Variants in ATP2B4 observed in about 807,000 individuals in gnomAD.
ATP2B4 encodes the protein ATPase plasma membrane Ca2+ transporting 4.
ATP2B4 carries 39 observed loss-of-function variants against 110.3 expected under a neutral mutation model. The observed-to-expected ratio is 0.35, with a 90% CI of 0.27 to 0.46. ATP2B4 has a LOEUF of 0.46. Ranked by LOEUF, ATP2B4 falls within the 20% of genes least tolerant of loss-of-function variation. ATP2B4 has a pLI of 1.00. For synonymous variants in ATP2B4, 538 were observed against 571.7 expected (o/e 0.94, Z 0.84); for missense variants, 1,135 against 1,530.9 (o/e 0.74, Z 4.32).
At chr1:203,686,756 C>T (rs770785956) in intron 2 of ATP2B4, among the ~76,000 whole-genome samples, 2 of 123,214 alleles carry the variant, frequency 1.6e-5, no homozygotes, top group Admixed American at 1.1e-4. Flanking sequence ...TGTAATGGCG[C>T]GATATTGGCT....
intron 1 of ATP2B4, among the ~76,000 whole-genome samples, chr1:203,638,052 C>G (rs1369298277): frequency 6.6e-6 from 1 of 151,826 alleles, no homozygotes; most frequent in Non-Finnish European, 1.5e-5. Flanking sequence ...CAGGGCTCAA[C>G]TGGAAATTAT....
chr1:203,706,271 C>T (rs1665846764), intron 8 of ATP2B4, among the ~76,000 whole-genome samples: 1 of 152,160 alleles, frequency 6.6e-6, no homozygotes, highest in Non-Finnish European at 1.5e-5. Context: ...GTTCAGTAGT[C>T]TCAGGATGGT....
At chr1:203,724,077 C>T (rs915862213) in intron 19 of ATP2B4, 89 bp downstream of exon 19, 3 of 1,069,058 alleles carry the variant, frequency 2.8e-6, no homozygotes, top group Non-Finnish European at 4.0e-6. Context: ...CGGTGGAGAC[C>T]CCCCAGCTCC....
chr1:203,720,855 T>C, intron 16 of ATP2B4, 115 bp downstream of exon 16: 3 of 1,248,962 alleles, frequency 2.4e-6, no homozygotes, highest in Non-Finnish European at 3.3e-6. Flanking sequence ...CCCATGACAT[T>C]GGGACAGGAG....
rs1257889092 is a variant in ATP2B4 at position 203,739,534 on chromosome 1, C to A, written c.3310-12C>A. ...CTATTTTCTCATCCTCCTTTTCCTT[C>A]CCCTGGTATAGATCAAAGTGGTCAA... On this transcript the variant is annotated splice_polypyrimidine_tract_variant and intron_variant, in intron 20 of 20. Transcript: ENST00000357681. 6.2e-7 allele frequency: 1 copy of A among 1,601,252 alleles called. No individual in the cohort carries two copies. The highest frequency in any genetic ancestry group is 2.2e-5 in the East Asian group (1 of 44,672).
At position 203,678,188 on chromosome 1, in the gene ATP2B4, T is replaced by C. The variant is rs74137847; in HGVS notation, c.-464-4554T>C. ...AGACTCAGGGGGTGAGTTCCTTTCA[T>C]ATTTTCAAATATACCCTACTCTATA... On this transcript the variant is annotated intron_variant, in intron 1 of 20. Transcript: ENST00000357681. Among the ~76,000 whole-genome samples the C allele has an allele frequency of 7.9e-3, 1,198 of 152,272 alleles. 8 individuals are homozygous for C. The highest frequency in any genetic ancestry group is 0.027 in the African/African-American group (1,109 of 41,540).
chr1:203,703,960 A>G (rs2236550), intron 8 of ATP2B4, 147 bp downstream of exon 8: 30,893 of 1,002,658 alleles, frequency 0.031, 2,655 homozygotes, highest in East Asian at 0.29. Flanking sequence ...CTGTTTCCCT[A>G]TCTCCGCCAC....
rs1272958061 is a variant in ATP2B4 at position 203,741,840 on chromosome 1, G to A, written c.*1986G>A. 1 of 152,578 alleles carries A rather than the reference G, an allele frequency of 6.6e-6. No homozygotes were observed. The highest frequency in any genetic ancestry group is 1.5e-5 in the Non-Finnish European group (1 of 68,032). 9.5% of individuals were successfully genotyped at this position (152,578 alleles called of 1,614,324 possible). A position where few individuals can be genotyped will look rare whatever the true frequency, so the allele number is the denominator to read the frequency against. ...AGGGGAAAAAAACAGCTCACCCAAG[G>A]TGTTAGGTTTCACATATATATTCAT... On this transcript the variant is annotated 3_prime_UTR_variant, in exon 21 of 21. Transcript: ENST00000357681.
At chr1:203,739,300 T>TAATGCAGCTTTC (rs1169735149) in intron 20 of ATP2B4, among the ~76,000 whole-genome samples, 119 of 152,184 alleles carry the variant, frequency 7.8e-4, no homozygotes, top group African/African-American at 2.8e-3. Flanking sequence ...CTACTTTTTT[T>TAATGCAGCTTTC]AATGCAGCTT....
At chr1:203,673,672 G>A (rs1308309731) in intron 1 of ATP2B4, among the ~76,000 whole-genome samples, 2 of 152,194 alleles carry the variant, frequency 1.3e-5, no homozygotes, top group Non-Finnish European at 2.9e-5. Context: ...ACCAGTATGG[G>A]ACATGCTGAC....
In ATP2B4 at chr1:203,702,072, C is replaced by A. The variant is rs774252537; in HGVS notation, c.930C>A (p.Arg310=). Residue 310 remains arginine (R), a synonymous_variant, in exon 7 of 21, where the codon CGC becomes CGA. Coordinates refer to ENST00000357681, the MANE Select transcript of ATP2B4 (RefSeq NM_001684.5). The stretch of plus-strand genomic sequence containing the variant: ...AAAAACAAGGAGTCCCTGAAAATCG[C>A]AACAAAGGTAACCTCTCCAACTACT... ...KGKKQGVPEN[R]NKAKTQDGVA... The A allele has an allele frequency of 3.1e-6, 5 of 1,614,074 alleles. No homozygotes were observed. Among genetic ancestry groups the A allele is most frequent in the Non-Finnish European group, 4.2e-6 (5 of 1,179,988 alleles).
At chr1:203,674,705 G>A (rs931045834) in intron 1 of ATP2B4, among the ~76,000 whole-genome samples, 3 of 119,376 alleles carry the variant, frequency 2.5e-5, no homozygotes, top group Non-Finnish European at 4.8e-5. Context: ...CTCCCAGGCT[G>A]GAGTGCAATG....
intron 11 of ATP2B4, among the ~76,000 whole-genome samples, chr1:203,709,869 C>T (rs371339503): frequency 6.6e-6 from 1 of 152,180 alleles, no homozygotes; most frequent in Admixed American, 6.5e-5. Context: ...CCTGGACGAT[C>T]CTAAGTTTCC....
At chr1:203,693,777 C>T (rs1403988452) in intron 2 of ATP2B4, among the ~76,000 whole-genome samples, 1 of 152,150 alleles carries the variant, frequency 6.6e-6, no homozygotes, top group African/African-American at 2.4e-5. Flanking sequence ...AACCCTGCCC[C>T]GTGGTGAAGG....
At chr1:203,658,095 A>C (rs1480484741) in intron 1 of ATP2B4, among the ~76,000 whole-genome samples, 1 of 152,216 alleles carries the variant, frequency 6.6e-6, no homozygotes, top group Non-Finnish European at 1.5e-5. Context: ...TATTGTGTAC[A>C]CATAACTTTT....
rs539770618 is a variant in ATP2B4 at position 203,721,474 on chromosome 1, G to C, written c.2812+64G>C. ...GTTGGAGGTGGGGGCAGAGAAAGAA[G>C]GTAGCGTGAGAGCAAGTGCACAGGT... On this transcript the variant is annotated intron_variant, in intron 17 of 20. Transcript: ENST00000357681. 1.1e-5 allele frequency: 16 copies of C among 1,522,112 alleles called. No homozygotes were observed. In the East Asian group the frequency reaches 3.2e-4, roughly 30 times the overall value. The allele number at this position is 1,522,112 out of a possible 1,614,324, so 94.3% of individuals were successfully genotyped here. A position where few individuals can be genotyped will look rare whatever the true frequency, so the allele number is the denominator to read the frequency against.
chr1:203,709,619 C>T lies in ATP2B4; in HGVS notation c.1799+77C>T. 3 of 1,589,450 alleles carry T rather than the reference C, an allele frequency of 1.9e-6. No individual in the cohort carries two copies. In the African/African-American group the frequency reaches 4.0e-5, roughly 21 times the overall value. ...GCATGGGTGCACACCCCACACTGAA[C>T]CCATGTGAATGAGGGAGCCCTCCAG... On this transcript the variant is annotated intron_variant, in intron 11 of 20. Coordinates refer to ENST00000357681, the MANE Select transcript of ATP2B4 (RefSeq NM_001684.5).
chr1:203,735,914 T>C (rs1377183109), intron 20 of ATP2B4, among the ~76,000 whole-genome samples: 1 of 152,134 alleles, frequency 6.6e-6, no homozygotes, highest in Non-Finnish European at 1.5e-5. Flanking sequence ...AAGACTGGGA[T>C]CTTGTAGAGC....
intron 1 of ATP2B4, among the ~76,000 whole-genome samples, chr1:203,652,293 G>A (rs1466638035): frequency 6.6e-6 from 1 of 151,634 alleles, no homozygotes; most frequent in Non-Finnish European, 1.5e-5. Context: ...TCAGGCACGC[G>A]CCTCCATGCC....
Sources: gnomAD v4.1 joint callset for allele counts (sites outside exome capture counted in the v4.1 genomes callset) on GRCh38, gnomAD v4.1.1 for gene constraint, MANE v1.5 for transcripts, NCBI Gene and HGNC (gene_info 2026-07-23, HGNC 2026-07-21) for gene names.